COL18A1: variants seen among roughly 807,000 people sequenced by gnomAD.
The protein encoded by COL18A1 is collagen alpha-1(XVIII) chain.
Under a neutral mutation model 168.0 loss-of-function variants are expected in COL18A1, and 133 were observed. The ratio of observed to expected loss-of-function variants is 0.79; its 90% CI spans 0.69 to 0.91. The LOEUF is 0.91. COL18A1 is among the 40% of genes least tolerant of loss of function. The probability of loss-of-function intolerance (pLI) is 0.00; values close to 1 mark genes in which losing one functional copy is unlikely to be tolerated. For missense variants in COL18A1, 2,126 were observed against 1,925.4 expected (o/e 1.10, Z -1.95); for synonymous variants, 949 against 809.0 (o/e 1.17, Z -2.94).
chr21:45,440,130 G>C (rs1220618072), intron 2 of COL18A1, among the ~76,000 whole-genome samples: 1 of 152,258 alleles, frequency 6.6e-6, no homozygotes, highest in Non-Finnish European at 1.5e-5. Flanking sequence ...GGATGTAAGG[G>C]CAAGGGCTGC....
intron 2 of COL18A1, among the ~76,000 whole-genome samples, chr21:45,459,048 G>T (rs891885804): frequency 6.6e-6 from 1 of 152,338 alleles, no homozygotes; most frequent in South Asian, 2.1e-4. Context: ...TGCGAGGGAG[G>T]CCGTGTCCCG....
At chr21:45,465,208 C>G (rs1009071867) in intron 2 of COL18A1, among the ~76,000 whole-genome samples, 1 of 152,214 alleles carries the variant, frequency 6.6e-6, no homozygotes, top group African/African-American at 2.4e-5. Flanking sequence ...GCGGGTTCAT[C>G]GCACAGCCTC....
intron 2 of COL18A1, among the ~76,000 whole-genome samples, chr21:45,427,553 C>A (rs1245918785): frequency 6.6e-6 from 1 of 152,204 alleles, no homozygotes; most frequent in African/African-American, 2.4e-5. Context: ...TGCTCTTGAC[C>A]TCACACCTCT....
Position 45,509,382 on chromosome 21 carries a change from C to A in COL18A1, c.3276C>A (p.Pro1092=). 1 of 1,540,462 alleles carries A rather than the reference C, an allele frequency of 6.5e-7. No individual in the cohort carries two copies. The highest frequency in any genetic ancestry group is 8.8e-7 in the Non-Finnish European group (1 of 1,142,160). Residue 1092 remains proline (P), a synonymous_variant, in exon 39 of 42, where the codon CCC becomes CCA. Coordinates refer to ENST00000651438, the MANE Select transcript of COL18A1 (RefSeq NM_001379500.1). ...ACAATGAAGTGGCCGCCTTGCAGCCCCCCGTGGTGCAGCTGCACGACAGCA... is the reference window on the plus strand; with the variant it reads ...ACAATGAAGTGGCCGCCTTGCAGCCACCCGTGGTGCAGCTGCACGACAGCA... The part of the protein sequence containing the change: ...GTDNEVAALQ[P]PVVQLHDSNP...
At chr21:45,499,199 C>T (rs2036650113) in intron 32 of COL18A1, among the ~76,000 whole-genome samples, 1 of 152,046 alleles carries the variant, frequency 6.6e-6, no homozygotes, top group African/African-American at 2.4e-5. Context: ...CAGTGGTACT[C>T]CCGTGGCCTT....
chr21:45,417,764 G>A (rs796153202), intron 2 of COL18A1, among the ~76,000 whole-genome samples: 16 of 152,358 alleles, frequency 1.1e-4, no homozygotes, highest in African/African-American at 3.1e-4. Context: ...TCTGGGCAGA[G>A]CTGGGCCCTC....
At position 45,457,596 on chromosome 21, in the gene COL18A1, A is replaced by T. The variant is rs532934856; in HGVS notation, c.107-10646A>T. Among the ~76,000 whole-genome samples the T allele has an allele frequency of 1.2e-3, 185 of 152,170 alleles. No homozygotes were observed. The highest frequency in any genetic ancestry group is 2.1e-3 in the Non-Finnish European group (146 of 68,018). On this transcript the variant is annotated intron_variant, in intron 2 of 41. Transcript: ENST00000651438. This position sits in a 1 kb window ranked among gnomAD's most constrained non-coding sequence, Gnocchi z 4.6. ...GGGGACTCTTTAACCTCCTGGGGGC[A>T]GGGGCAGCCCAGAAAGGACCCCAGC...
At chr21:45,418,690 C>T (rs569882032) in intron 2 of COL18A1, among the ~76,000 whole-genome samples, 50 of 150,436 alleles carry the variant, frequency 3.3e-4, no homozygotes, top group African/African-American at 1.1e-3. Flanking sequence ...GGAAGCGGCA[C>T]CTCCTCAGGG....
rs1452806916 is a variant in COL18A1, at chr21:45,411,765, GTGGGGGGGGGGCA to G, written c.106+6293_106+6305del. Among the ~76,000 whole-genome samples the G allele has an allele frequency of 3.9e-5, 5 of 127,186 alleles. 1 individual carries two copies. The highest frequency in any genetic ancestry group is 3.1e-4 in the Admixed American group (4 of 13,080). The allele number at this position is 127,186 out of a possible 152,430, so 83.4% of individuals were successfully genotyped here. On this transcript the variant is annotated intron_variant, in intron 2 of 41. Coordinates refer to ENST00000651438, the MANE Select transcript of COL18A1 (RefSeq NM_001379500.1). ...CCAGAGTCAGGGCTGATGGCGGGGG[GTGGGGGGGGGGCA>G]GGCTGTGGTCAGGGACCTGCAGGAG... is the stretch of plus-strand genomic sequence containing the variant.
Position 45,405,479 on chromosome 21 carries a change from A to AC in COL18A1, c.106+9dup. ...CGCGGCCTCCGCGGAGCCAGGTAAGACCCGGGCGGGACGGGAAGGTTCGCG... is the reference window on the plus strand; with the variant it reads ...CGCGGCCTCCGCGGAGCCAGGTAAGACCCCGGGCGGGACGGGAAGGTTCGCG... On this transcript the variant is annotated splice_region_variant and intron_variant, in intron 2 of 41. Transcript: ENST00000651438. 1 of 1,359,672 alleles carries AC rather than the reference A, an allele frequency of 7.4e-7. No individual in the cohort carries two copies. 84.2% of individuals were successfully genotyped at this position (1,359,672 alleles called of 1,614,324 possible).
Position 45,495,427 on chromosome 21 carries a change from A to C in COL18A1, c.2503A>C (p.Met835Leu), listed in dbSNP as rs926457920. Residue 835 changes from methionine (M) to leucine (L), a missense_variant, in exon 29 of 42, where the codon ATG becomes CTG. By Grantham distance (15) the Met-to-Leu change is conservative. Transcript: ENST00000651438. ...GGGAGATGCCAGCCTTGGATTTGGC[A>C]TGAGGGTGAGTGTCTCTCAAGGGGC... Reference protein sequence around the residue: ...EPGDASLGFGMRGMPGPPGPP... With the variant: ...EPGDASLGFGLRGMPGPPGPP... 1.9e-6 allele frequency: 3 copies of C among 1,609,030 alleles called. No individual in the cohort carries two copies. The Admixed American group carries it at 5.0e-5, about 27-fold the overall frequency.
chr21:45,495,667 T>C (rs2150441), intron 29 of COL18A1: 143,193 of 529,202 alleles, frequency 0.27, 21,297 homozygotes, highest in African/African-American at 0.47. Flanking sequence ...TGTGTGCACA[T>C]ATACACATGC....
chr21:45,497,915 C>A (rs1004138306), intron 32 of COL18A1: 3 of 608,880 alleles, frequency 4.9e-6, no homozygotes, highest in Non-Finnish European at 8.7e-6. Context: ...GATGGCTGCC[C>A]TTCCATGCTA....
intron 2 of COL18A1, chr21:45,408,172 G>A (rs1379959078): frequency 5.3e-5 from 8 of 152,292 alleles, no homozygotes; most frequent in Admixed American, 5.2e-4. Context: ...CTGCTCCAGA[G>A]TGCAGGCGCC....
chr21:45,503,353 G>T (rs1252451629), intron 32 of COL18A1, among the ~76,000 whole-genome samples: 1 of 151,776 alleles, frequency 6.6e-6, no homozygotes, highest in African/African-American at 2.4e-5. Flanking sequence ...GTGTTTTTTG[G>T]CTGCATAAAT....
chr21:45,483,958 CACAT>C (rs2035987317), intron 15 of COL18A1, among the ~76,000 whole-genome samples: 1 of 145,346 alleles, frequency 6.9e-6, no homozygotes, highest in African/African-American at 2.6e-5. Flanking sequence ...AGCATATGTA[CACAT>C]GCACACACAC....
At chr21:45,505,997 C>A (rs199511992) in intron 37 of COL18A1, 31 bp downstream of exon 37, 11 of 1,612,500 alleles carry the variant, frequency 6.8e-6, no homozygotes, top group Non-Finnish European at 9.3e-6. Flanking sequence ...GTTCTGGACC[C>A]GTGGAAGGGC....
rs56196443 is a variant in COL18A1 at position 45,476,921 on chromosome 21, TTGTGTGTGTGTG to T, written c.928+460_929-460del. On this transcript the variant is annotated intron_variant, in intron 6 of 41. Coordinates refer to ENST00000651438, the MANE Select transcript of COL18A1 (RefSeq NM_001379500.1). The stretch of plus-strand genomic sequence containing the variant: ...ATGTGTGTGATGTGTATTATGTGTT[TTGTGTGTGTGTG>T]TGTGTGTGTGTGTGTGTGGCAGGTG... 6.1e-5 allele frequency among the ~76,000 whole-genome samples: 9 copies of T among 146,964 alleles called. No individual in the cohort carries two copies. The East Asian group carries it at 1.1e-3, about 17-fold the overall frequency.
intron 2 of COL18A1, chr21:45,422,537 A>G (rs1180368888): frequency 1.9e-6 from 1 of 519,406 alleles, no homozygotes; most frequent in Admixed American, 2.0e-5. Flanking sequence ...GCGCCGTGCC[A>G]GGACCCGGGC....
Sources: gnomAD v4.1 joint callset for allele counts (sites outside exome capture counted in the v4.1 genomes callset) on GRCh38, gnomAD v4.1.1 for gene constraint, Gnocchi (gnomAD v3.1) non-coding constraint, MANE v1.5 for transcripts, NCBI Gene and HGNC (gene_info 2026-07-23, HGNC 2026-07-21) for gene names.